Variants in VIT observed in about 807,000 individuals in gnomAD.
VIT encodes vitrin.
Under a neutral mutation model 78.0 loss-of-function variants are expected in VIT, and 99 were observed. The ratio of observed to expected loss-of-function variants is 1.27; its 90% confidence interval spans 1.08 to 1.50. The LOEUF (loss-of-function observed/expected upper bound fraction) is 1.50, where lower values mean the gene tolerates loss of function less well. VIT is among the 40% of genes most tolerant of loss of function. VIT has a pLI of 0.00. For synonymous variants in VIT, 374 were observed against 334.3 expected (o/e 1.12, Z -1.29); for missense variants, 1,126 against 875.3 (o/e 1.29, Z -3.61).
intron 14 of VIT, 50 bp from the exon 15 acceptor site, chr2:36,808,422 T>G (rs767744907): frequency 3.9e-6 from 6 of 1,554,262 alleles, no homozygotes; most frequent in Non-Finnish European, 5.2e-6. Context: ...ATGGTGACAC[T>G]GGAGGATTTG....
intron 12 of VIT, among the ~76,000 whole-genome samples, chr2:36,789,694 G>A (rs1160313798): frequency 1.3e-5 from 2 of 152,130 alleles, no homozygotes. Flanking sequence ...TGGTGATTTG[G>A]GTTCTCACCA....
intron 12 of VIT, among the ~76,000 whole-genome samples, chr2:36,790,040 AG>A (rs1331640576): frequency 6.6e-6 from 1 of 152,244 alleles, no homozygotes; most frequent in Non-Finnish European, 1.5e-5. Flanking sequence ...TTATAAATTT[AG>A]AACTTGAAAG....
chr2:36,714,763 G>A (rs1309774585), intron 1 of VIT, among the ~76,000 whole-genome samples: 1 of 152,160 alleles, frequency 6.6e-6, no homozygotes, highest in Non-Finnish European at 1.5e-5. Context: ...CCACGGTTAT[G>A]ACATTTAACT....
intron 3 of VIT, among the ~76,000 whole-genome samples, chr2:36,739,124 T>C (rs1667678690): frequency 6.6e-6 from 1 of 151,920 alleles, no homozygotes; most frequent in Non-Finnish European, 1.5e-5. Context: ...AAGTTTAATA[T>C]TAAAAGTTTT....
intron 2 of VIT, among the ~76,000 whole-genome samples, chr2:36,726,493 T>G (rs1396984838): frequency 6.6e-6 from 1 of 152,232 alleles, no homozygotes. Context: ...AGAACATGAT[T>G]TTTTTCAATA....
intron 2 of VIT, among the ~76,000 whole-genome samples, chr2:36,721,271 A>G (rs1271217385): frequency 6.6e-6 from 1 of 152,172 alleles, no homozygotes; most frequent in African/African-American, 2.4e-5. Context: ...TTATTTGTCA[A>G]TTATACCTTA....
At chr2:36,718,409 C>T (rs1666297013) in intron 2 of VIT, among the ~76,000 whole-genome samples, 1 of 152,144 alleles carries the variant, frequency 6.6e-6, no homozygotes, top group Non-Finnish European at 1.5e-5. Context: ...ACTCCACCAT[C>T]AACTTGCCAA....
intron 3 of VIT, among the ~76,000 whole-genome samples, chr2:36,738,538 C>T (rs1667646283): frequency 6.6e-6 from 1 of 152,200 alleles, no homozygotes; most frequent in South Asian, 2.1e-4. Context: ...CATCCAATCA[C>T]TCCATCCATT....
chr2:36,716,505 C>T, intron 2 of VIT, 83 bp downstream of exon 2: 1 of 1,236,746 alleles, frequency 8.1e-7, no homozygotes, highest in South Asian at 1.2e-5. Flanking sequence ...AAGTTTTAAA[C>T]CAAGACAGAG....
chr2:36,716,102 G>C (rs1275788784), intron 1 of VIT, among the ~76,000 whole-genome samples: 3 of 152,136 alleles, frequency 2.0e-5, no homozygotes, highest in Admixed American at 2.0e-4. Flanking sequence ...TCAGTTCTAA[G>C]TAAACATCAA....
At chr2:36,709,307 C>A (rs1665655831) in intron 1 of VIT, among the ~76,000 whole-genome samples, 1 of 152,162 alleles carries the variant, frequency 6.6e-6, no homozygotes, top group Non-Finnish European at 1.5e-5. Flanking sequence ...TTCTTCCTAG[C>A]CTTGGAAAGT....
Position 36,730,409 on chromosome 2 carries a change from C to T in VIT, c.118+918C>T, listed in dbSNP as rs73924168. Reference sequence around the variant, plus strand: ...GGAAGTTCCACAATCTCCAGGGACCCAGACTTCTGTCTTCTAATTCTGCCA... The same window carrying T: ...GGAAGTTCCACAATCTCCAGGGACCTAGACTTCTGTCTTCTAATTCTGCCA... On this transcript the variant is annotated intron_variant, in intron 3 of 15. Coordinates refer to ENST00000379242, the MANE Select transcript of VIT (RefSeq NM_053276.4). 4.9e-3 allele frequency among the ~76,000 whole-genome samples: 739 copies of T among 152,328 alleles called. 1 individual carries two copies. Among genetic ancestry groups the T allele is most frequent in the African/African-American group, 0.017 (706 of 41,570 alleles).
chr2:36,727,959 C>T (rs1399947358), intron 2 of VIT, among the ~76,000 whole-genome samples: 2 of 152,184 alleles, frequency 1.3e-5, no homozygotes, highest in Non-Finnish European at 2.9e-5. Context: ...GATGAAGTCT[C>T]ACTCTGTCGC....
intron 7 of VIT, among the ~76,000 whole-genome samples, chr2:36,771,537 AG>A (rs1312284500): frequency 3.4e-4 from 50 of 148,620 alleles, no homozygotes; most frequent in African/African-American, 1.2e-3. Flanking sequence ...AAAAAAAAAA[AG>A]AAAAAGAAAA....
At chr2:36,707,860 G>GAAA (rs11362905) in intron 1 of VIT, among the ~76,000 whole-genome samples, 1 of 141,234 alleles carries the variant, frequency 7.1e-6, no homozygotes. Flanking sequence ...ATTTCTTTAG[G>GAAA]AAAAAAAAAA....
intron 5 of VIT, among the ~76,000 whole-genome samples, chr2:36,756,173 G>A (rs1299614904): frequency 6.6e-6 from 1 of 151,942 alleles, no homozygotes; most frequent in Admixed American, 6.6e-5. Flanking sequence ...TGTCAGGCTG[G>A]TCTCGAGCTC....
At chr2:36,805,780 G>T (rs1572575975) in intron 14 of VIT, 116 bp downstream of exon 14, 3 of 1,136,956 alleles carry the variant, frequency 2.6e-6, no homozygotes, top group Non-Finnish European at 3.7e-6. Flanking sequence ...TCATCTCTAG[G>T]CAGTAAGGCC....
At chr2:36,744,959 TA>T (rs1321133202) in intron 4 of VIT, among the ~76,000 whole-genome samples, 1 of 152,194 alleles carries the variant, frequency 6.6e-6, no homozygotes, top group East Asian at 1.9e-4. Context: ...GTCTTACATG[TA>T]AGTCTTTAAT....
At chr2:36,753,710 G>A (rs1314389334) in intron 4 of VIT, among the ~76,000 whole-genome samples, 1 of 152,200 alleles carries the variant, frequency 6.6e-6, no homozygotes, top group Non-Finnish European at 1.5e-5. Context: ...TCAGAGCCAT[G>A]GGAGTGGGAA....
Sources: allele counts gnomAD v4.1 joint callset (sites outside exome capture counted in the v4.1 genomes callset), GRCh38; gene constraint gnomAD v4.1.1; transcripts MANE v1.5; gene names NCBI Gene and HGNC (gene_info 2026-07-23, HGNC 2026-07-21).